The following GRIK2 variants were observed in gnomAD, a reference collection of about 807,000 sequenced individuals.
GRIK2 encodes the protein glutamate receptor ionotropic, kainate 2.
Under a neutral mutation model 100.3 loss-of-function variants are expected in GRIK2, and 32 were observed. The observed-to-expected ratio is 0.32, with a 90% CI of 0.24 to 0.43. The LOEUF (loss-of-function observed/expected upper bound fraction) is 0.43, where lower values mean the gene tolerates loss of function less well. Ranked by LOEUF, GRIK2 falls within the 20% of genes least tolerant of loss-of-function variation. The pLI, the probability that GRIK2 is intolerant of heterozygous loss-of-function variation, is 1.00. For synonymous variants in GRIK2, 417 were observed against 389.4 expected, an observed-to-expected ratio of 1.07 and a Z score of -0.83; for missense variants, 843 against 1,114.9, an observed-to-expected ratio of 0.76 and a Z score of 3.47.
At chr6:101,409,758 G>A (rs1384092498) in intron 2 of GRIK2, among the ~76,000 whole-genome samples, 3 of 151,936 alleles carry the variant, frequency 2.0e-5, no homozygotes, top group African/African-American at 4.8e-5. Context: ...AGGAAAATGT[G>A]TAGAGCTCTG....
rs2399632 is a variant in GRIK2, at chr6:101,918,193, G to A, written c.1749-6408G>A. 5.3e-5 allele frequency among the ~76,000 whole-genome samples: 8 copies of A among 151,360 alleles called. No individual in the cohort carries two copies. In the East Asian group the frequency reaches 1.2e-3, roughly 22 times the overall value. ...AAGTTGAGGATTGTTATGTAATAAT[G>A]ATGATGATGAAAAAATAAACACATA... On this transcript the variant is annotated intron_variant, in intron 12 of 16. Transcript: ENST00000369134.
chr6:101,757,420 C>G (rs1777204055), intron 7 of GRIK2, among the ~76,000 whole-genome samples: 1 of 152,056 alleles, frequency 6.6e-6, no homozygotes, highest in Non-Finnish European at 1.5e-5. Context: ...GACAATTATA[C>G]ATAGTGATAA....
chr6:101,409,557 A>C (rs1253190403), intron 2 of GRIK2, among the ~76,000 whole-genome samples: 1 of 152,128 alleles, frequency 6.6e-6, no homozygotes, highest in Admixed American at 6.6e-5. Context: ...CTGATTCTAC[A>C]CAAACTCAGG....
chr6:101,735,951 T>C (rs1488437007), intron 7 of GRIK2, among the ~76,000 whole-genome samples: 1 of 152,188 alleles, frequency 6.6e-6, no homozygotes, highest in Non-Finnish European at 1.5e-5. Flanking sequence ...GATAAAATGG[T>C]GGTACAGGCA....
intron 10 of GRIK2, among the ~76,000 whole-genome samples, chr6:101,848,072 C>T (rs2791832): frequency 0.72 from 109,177 of 151,904 alleles, 41,856 homozygotes; most frequent in Non-Finnish European, 0.87. Flanking sequence ...CGTAACAATT[C>T]TGTAAGAATA....
chr6:101,929,855 A>C (rs1166029812), intron 14 of GRIK2, among the ~76,000 whole-genome samples: 1 of 152,192 alleles, frequency 6.6e-6, no homozygotes, highest in African/African-American at 2.4e-5. Context: ...TATGGATTTC[A>C]CATTTACTTG....
intron 7 of GRIK2, among the ~76,000 whole-genome samples, chr6:101,741,914 A>G (rs1776052332): frequency 1.3e-5 from 2 of 152,198 alleles, no homozygotes; most frequent in African/African-American, 4.8e-5. Flanking sequence ...AGTTTTATTT[A>G]CCAGGGCCAA....
chr6:102,044,566 C>T (rs2782918), intron 15 of GRIK2, among the ~76,000 whole-genome samples: 42,405 of 151,826 alleles, frequency 0.28, 6,006 homozygotes, highest in Non-Finnish European at 0.31. Context: ...CATCAGATCT[C>T]GTGAGACTTA....
At chr6:101,763,447 A>G (rs528955179) in intron 7 of GRIK2, among the ~76,000 whole-genome samples, 62 of 152,318 alleles carry the variant, frequency 4.1e-4, no homozygotes, top group Non-Finnish European at 6.9e-4. Flanking sequence ...ATGAATGTCT[A>G]TGTCTCCCAG....
At chr6:101,860,674 A>C (rs1216944821) in intron 11 of GRIK2, among the ~76,000 whole-genome samples, 1 of 152,162 alleles carries the variant, frequency 6.6e-6, no homozygotes, top group Non-Finnish European at 1.5e-5. Flanking sequence ...AAGTCTTTCG[A>C]AAGGGCTGTT....
intron 14 of GRIK2, among the ~76,000 whole-genome samples, chr6:101,957,377 A>C (rs1792004131): frequency 6.6e-6 from 1 of 151,834 alleles, no homozygotes; most frequent in Non-Finnish European, 1.5e-5. Flanking sequence ...TTCTTTGTAA[A>C]TTCTGGATAT....
intron 4 of GRIK2, among the ~76,000 whole-genome samples, chr6:101,637,259 T>A (rs1382957823): frequency 2.0e-5 from 3 of 152,186 alleles, no homozygotes; most frequent in Admixed American, 6.6e-5. Context: ...TTCAGTTGTT[T>A]GTACTGACCT....
intron 12 of GRIK2, among the ~76,000 whole-genome samples, chr6:101,911,472 T>C (rs1788687672): frequency 6.6e-6 from 1 of 151,592 alleles, no homozygotes; most frequent in Non-Finnish European, 1.5e-5. Flanking sequence ...TATCTGCTAC[T>C]GGTTCAGAAT....
chr6:101,852,272 T>C (rs1784178099), intron 10 of GRIK2, among the ~76,000 whole-genome samples: 1 of 152,156 alleles, frequency 6.6e-6, no homozygotes, highest in African/African-American at 2.4e-5. Flanking sequence ...TTACTATACC[T>C]ACATGCTTTA....
chr6:101,668,870 C>T (rs897926849), intron 4 of GRIK2, among the ~76,000 whole-genome samples: 6 of 152,088 alleles, frequency 3.9e-5, no homozygotes, highest in South Asian at 2.1e-4. Context: ...ATAAATGTCT[C>T]CTCCTGGATT....
At chr6:101,567,298 G>A (rs1255340443) in intron 2 of GRIK2, among the ~76,000 whole-genome samples, 1 of 151,594 alleles carries the variant, frequency 6.6e-6, no homozygotes, top group Non-Finnish European at 1.5e-5. Flanking sequence ...TTGTCATATT[G>A]TAGTACTTTC....
chr6:101,394,528 C>G (rs1383235450), intron 1 of GRIK2, among the ~76,000 whole-genome samples: 1 of 152,200 alleles, frequency 6.6e-6, no homozygotes, highest in Non-Finnish European at 1.5e-5. Context: ...TATTAGAAAA[C>G]TTACTATTAG....
intron 14 of GRIK2, among the ~76,000 whole-genome samples, chr6:101,935,060 G>T (rs1790532864): frequency 6.6e-6 from 1 of 151,914 alleles, no homozygotes; most frequent in Non-Finnish European, 1.5e-5. Flanking sequence ...GTAGGAAAAG[G>T]TTTAATAATT....
chr6:101,626,759 G>A, intron 4 of GRIK2, 122 bp downstream of exon 4: 1 of 779,128 alleles, frequency 1.3e-6, no homozygotes, highest in South Asian at 1.9e-5. Flanking sequence ...TCAGCTAAGG[G>A]GTAGAAAGAC....
Sources: allele counts gnomAD v4.1 joint callset (sites outside exome capture counted in the v4.1 genomes callset), GRCh38; gene constraint gnomAD v4.1.1; transcripts MANE v1.5; gene names NCBI Gene and HGNC (gene_info 2026-07-23, HGNC 2026-07-21).